Variants in ANKHD1 observed in about 807,000 individuals in gnomAD.
ANKHD1 encodes the protein ankyrin repeat and KH domain containing 1, also known as ankyrin repeat and KH domain-containing protein 1.
ANKHD1 carries 31 observed loss-of-function variants against 230.5 expected under a neutral mutation model. The observed-to-expected ratio is 0.13, with a 90% CI of 0.10 to 0.18. The LOEUF (loss-of-function observed/expected upper bound fraction) is 0.18. ANKHD1 is among the 10% of genes least tolerant of loss of function. ANKHD1 has a pLI of 1.00. For synonymous variants in ANKHD1, 1,074 were observed against 1,117.6 expected (o/e 0.96, Z 0.78); for missense variants, 2,256 against 3,071.3 (o/e 0.73, Z 6.27).
chr5:140,430,110 CTTGTTTT>C (rs754589438), intron 1 of ANKHD1, among the ~76,000 whole-genome samples: 32 of 152,254 alleles, frequency 2.1e-4, no homozygotes, highest in Admixed American at 8.5e-4. Context: ...TCCCATACTC[CTTGTTTT>C]TTGTTTTTTG....
Position 140,506,719 on chromosome 5 carries a change from T to C in ANKHD1, c.3409-116T>C. The C allele has an allele frequency of 1.4e-6, 2 of 1,441,690 alleles. No homozygotes were observed. The highest frequency in any genetic ancestry group is 1.9e-6 in the Non-Finnish European group (2 of 1,067,896). The allele number at this position is 1,441,690 out of a possible 1,614,324, so 89.3% of individuals were successfully genotyped here. ...ATATTTAGGGTCTAATGAAATGTAA[T>C]TAAAATATCAGATATTTAGATAAGG... On this transcript the variant is annotated intron_variant, in intron 18 of 33. Transcript: ENST00000360839. The surrounding 1 kb of genome is among the most constrained non-coding windows in gnomAD (Gnocchi z 4.7).
At chr5:140,448,019 A>C (rs1774424619) in intron 6 of ANKHD1, among the ~76,000 whole-genome samples, 1 of 152,172 alleles carries the variant, frequency 6.6e-6, no homozygotes, top group Non-Finnish European at 1.5e-5. Flanking sequence ...GCAGTAACTC[A>C]CACCTATAAT....
chr5:140,446,576 G>A (rs1490500742), intron 6 of ANKHD1, among the ~76,000 whole-genome samples: 1 of 152,064 alleles, frequency 6.6e-6, no homozygotes, highest in African/African-American at 2.4e-5. Flanking sequence ...GGCCAGGCTG[G>A]TCTTGAACTC....
At chr5:140,505,984 T>TTC in intron 18 of ANKHD1, 115 bp downstream of exon 18, 1 of 1,477,764 alleles carries the variant, frequency 6.8e-7, no homozygotes, top group Non-Finnish European at 9.0e-7. Context: ...GTGTTTGTTT[T>TTC]TCTGAGGCAG....
intron 33 of ANKHD1, 133 bp from the exon 34 acceptor site, chr5:140,539,226 C>T: frequency 1.3e-6 from 2 of 1,535,376 alleles, no homozygotes; most frequent in Non-Finnish European, 1.7e-6. Context: ...GATGATGCTA[C>T]TGAACACTTT....
chr5:140,526,994 C>T lies in ANKHD1; in HGVS notation c.5007C>T (p.Ser1669=). 1.2e-6 allele frequency: 2 copies of T among 1,613,802 alleles called. No individual in the cohort carries two copies. The highest frequency in any genetic ancestry group is 1.7e-6 in the Non-Finnish European group (2 of 1,179,854). Residue 1669 remains serine (S), a synonymous_variant, in exon 27 of 34, where the codon AGC becomes AGT. Transcript: ENST00000360839. ...TSYKTVSLPL[S]SPNIKLNLTS... ...ACAAGACAGTGTCATTGCCATTAAGCTCTCCAAACATAAAGCTGAATCTCA... is the reference window on the plus strand; with the variant it reads ...ACAAGACAGTGTCATTGCCATTAAGTTCTCCAAACATAAAGCTGAATCTCA...
At chr5:140,499,431 T>G (rs181016740) in intron 15 of ANKHD1, among the ~76,000 whole-genome samples, 12 of 152,256 alleles carry the variant, frequency 7.9e-5, no homozygotes, top group Admixed American at 1.3e-4. Flanking sequence ...ACTGTACATC[T>G]TAAAATTCTA....
chr5:140,468,273 AC>A (rs1372988301), intron 10 of ANKHD1, among the ~76,000 whole-genome samples: 41 of 150,392 alleles, frequency 2.7e-4, no homozygotes, highest in African/African-American at 8.8e-4. Context: ...CAAAAAAAAA[AC>A]AAAAAAAAAC....
intron 14 of ANKHD1, among the ~76,000 whole-genome samples, chr5:140,495,580 T>TG (rs1283710476): frequency 6.6e-6 from 1 of 152,202 alleles, no homozygotes; most frequent in Non-Finnish European, 1.5e-5. Context: ...GCCTTAGATT[T>TG]GCCTCAGAGT....
At chr5:140,452,080 G>A (rs192966058) in intron 7 of ANKHD1, among the ~76,000 whole-genome samples, 48 of 152,234 alleles carry the variant, frequency 3.2e-4, no homozygotes, top group Non-Finnish European at 3.5e-4. Flanking sequence ...TATATCCCGC[G>A]CGTGGCTCAA....
intron 29 of ANKHD1, 66 bp downstream of exon 29, chr5:140,529,862 A>G (rs1252989069): frequency 3.9e-6 from 6 of 1,555,882 alleles, no homozygotes; most frequent in African/African-American, 2.7e-5. Context: ...CCTTAAGTGG[A>G]CAAAAAAAGT....
At chr5:140,487,862 T>C (rs1751579206) in intron 14 of ANKHD1, among the ~76,000 whole-genome samples, 2 of 152,344 alleles carry the variant, frequency 1.3e-5, no homozygotes, top group Middle Eastern at 3.4e-3. Context: ...CAATGAGGTA[T>C]GTAAGTGTAT....
At chr5:140,492,053 G>T (rs1751832836) in intron 14 of ANKHD1, among the ~76,000 whole-genome samples, 1 of 152,168 alleles carries the variant, frequency 6.6e-6, no homozygotes, top group African/African-American at 2.4e-5. Context: ...TTGGCATGCT[G>T]CTTTTATATG....
intron 7 of ANKHD1, among the ~76,000 whole-genome samples, chr5:140,451,249 T>C (rs1774711945): frequency 6.6e-6 from 1 of 152,174 alleles, no homozygotes; most frequent in South Asian, 2.1e-4. Flanking sequence ...ATAGGCACAA[T>C]AGCAGTTCCT....
intron 7 of ANKHD1, 134 bp downstream of exon 7, chr5:140,449,439 C>T (rs1198091508): frequency 1.7e-5 from 16 of 957,526 alleles, no homozygotes; most frequent in South Asian, 9.5e-5. Context: ...CCAAGTCGGG[C>T]GGATCACATG....
intron 15 of ANKHD1, among the ~76,000 whole-genome samples, chr5:140,498,854 A>AC (rs929500837): frequency 3.3e-4 from 6 of 18,234 alleles, no homozygotes; most frequent in Non-Finnish European, 5.8e-4. Context: ...TTATGTTAGA[A>AC]CTTTTTTTTT....
intron 28 of ANKHD1, 80 bp from the exon 29 acceptor site, chr5:140,528,104 A>C: frequency 1.3e-6 from 2 of 1,552,376 alleles, no homozygotes; most frequent in Non-Finnish European, 1.7e-6. Flanking sequence ...ATAATTAAGA[A>C]CTTTATTTGA....
chr5:140,421,217 G>A (rs1771947549), intron 1 of ANKHD1, among the ~76,000 whole-genome samples: 1 of 151,772 alleles, frequency 6.6e-6, no homozygotes, highest in Non-Finnish European at 1.5e-5. Flanking sequence ...AGAAGAATAT[G>A]GACAGAATTT....
At chr5:140,493,013 C>A (rs1561795266) in intron 14 of ANKHD1, among the ~76,000 whole-genome samples, 1 of 152,130 alleles carries the variant, frequency 6.6e-6, no homozygotes, top group Non-Finnish European at 1.5e-5. Flanking sequence ...AAGTGAGAGG[C>A]AAAGGAATAG....
Sources: allele counts gnomAD v4.1 joint callset (sites outside exome capture counted in the v4.1 genomes callset), GRCh38; gene constraint gnomAD v4.1.1; non-coding constraint Gnocchi (gnomAD v3.1); transcripts MANE v1.5; gene names NCBI Gene and HGNC (gene_info 2026-07-23, HGNC 2026-07-21).